The following IRF8 variants were observed in gnomAD, a reference collection of about 807,000 sequenced individuals.
IRF8 encodes interferon regulatory factor 8, also known as interferon consensus sequence binding protein 1.
A neutral mutation model predicts 48.7 loss-of-function variants in IRF8; 14 were observed. That is an observed-to-expected ratio of 0.29 (90% CI 0.19 to 0.45). IRF8 has a LOEUF of 0.45. Ranked by LOEUF, IRF8 falls within the 20% of genes least tolerant of loss-of-function variation. IRF8 has a pLI of 1.00. For missense variants in IRF8, 493 were observed against 580.7 expected (o/e 0.85, Z 1.55); for synonymous variants, 278 against 227.3 (o/e 1.22, Z -2.01).
intron 3 of IRF8, among the ~76,000 whole-genome samples, chr16:85,910,715 G>C (rs1203491285): frequency 6.6e-6 from 1 of 152,170 alleles, no homozygotes; most frequent in Admixed American, 6.5e-5. Context: ...GGGCCCACTC[G>C]CCTCTAACCT....
chr16:85,900,057 A>T, intron 1 of IRF8, among the ~76,000 whole-genome samples: 1 of 152,236 alleles, frequency 6.6e-6, no homozygotes, highest in East Asian at 1.9e-4. Flanking sequence ...GGGTTACGGC[A>T]GCTTCCTCTA....
Position 85,904,812 on chromosome 16 carries a change from C to CTTT in IRF8, c.174+1641_174+1643dup, listed in dbSNP as rs1177860791. ...ATTTCTCTCTTGTTTGATTGCAGATCTTTTTTTTTTTTTTTTTTTTGCCTT... is the reference window on the plus strand; with the variant it reads ...ATTTCTCTCTTGTTTGATTGCAGATCTTTTTTTTTTTTTTTTTTTTTTTGCCTT... On this transcript the variant is annotated intron_variant, in intron 2 of 8. Coordinates refer to ENST00000268638, the MANE Select transcript of IRF8 (RefSeq NM_002163.4). Among the ~76,000 whole-genome samples the CTTT allele has an allele frequency of 5.4e-3, 471 of 87,600 alleles. 38 individuals are homozygous for CTTT. Among genetic ancestry groups the CTTT allele is most frequent in the African/African-American group, 0.017 (343 of 20,272 alleles). 57.5% of individuals were successfully genotyped at this position (87,600 alleles called of 152,430 possible). A position where few individuals can be genotyped will look rare whatever the true frequency, so the allele number is the denominator to read the frequency against.
At chr16:85,907,073 G>C (rs1905027860) in intron 2 of IRF8, among the ~76,000 whole-genome samples, 3 of 152,222 alleles carry the variant, frequency 2.0e-5, no homozygotes, top group Non-Finnish European at 2.9e-5. Flanking sequence ...TCAATGAAGA[G>C]AGCATTAAAG....
intron 1 of IRF8, among the ~76,000 whole-genome samples, chr16:85,900,327 G>T (rs1904790726): frequency 6.6e-6 from 1 of 152,214 alleles, no homozygotes; most frequent in African/African-American, 2.4e-5. Flanking sequence ...TAGGGCTGCA[G>T]ATAGGGCTTG....
chr16:85,899,256 C>T (rs1904742105), intron 1 of IRF8, 33 bp downstream of exon 1: 1 of 152,132 alleles, frequency 6.6e-6, no homozygotes, highest in African/African-American at 2.4e-5. Flanking sequence ...GCGCCCGTGT[C>T]CCGCGCGGTC....
chr16:85,918,076 A>G (rs8058904), intron 6 of IRF8, among the ~76,000 whole-genome samples: 18,834 of 152,232 alleles, frequency 0.12, 1,534 homozygotes, highest in Non-Finnish European at 0.17. Flanking sequence ...GTCATAAGAA[A>G]TGAGTTGTCG....
chr16:85,900,129 T>A (rs1281205120), intron 1 of IRF8, among the ~76,000 whole-genome samples: 1 of 152,170 alleles, frequency 6.6e-6, no homozygotes, highest in Non-Finnish European at 1.5e-5. Flanking sequence ...GAGAAATGGC[T>A]TTGGTGCTTT....
intron 1 of IRF8, among the ~76,000 whole-genome samples, 189 bp downstream of exon 1, chr16:85,899,412 A>T (rs1179486824): frequency 6.6e-6 from 1 of 152,266 alleles, no homozygotes; most frequent in Non-Finnish European, 1.5e-5. Flanking sequence ...TGAATGCCCA[A>T]GTCGTTGATT....
intron 2 of IRF8, among the ~76,000 whole-genome samples, chr16:85,905,360 G>T (rs1012111408): frequency 2.0e-5 from 3 of 146,868 alleles, no homozygotes; most frequent in Admixed American, 6.6e-5. Flanking sequence ...ACTTGTGCTC[G>T]GGGGGTAATG....
At position 85,906,826 on chromosome 16, in the gene IRF8, T is replaced by G. The variant is rs193095257; in HGVS notation, c.175-2164T>G. 7.0e-3 allele frequency among the ~76,000 whole-genome samples: 1,067 copies of G among 152,264 alleles called. 11 individuals carry two copies. Among genetic ancestry groups the G allele is most frequent in the African/African-American group, 0.025 (1,026 of 41,538 alleles). On this transcript the variant is annotated intron_variant, in intron 2 of 8. Coordinates refer to ENST00000268638, the MANE Select transcript of IRF8 (RefSeq NM_002163.4). The stretch of plus-strand genomic sequence containing the variant: ...TGTCACAGCTAGGGGAGGGGTGCTA[T>G]TGGCATCTGGTGGGTCAAGGCTAGG...
chr16:85,919,692 C>T (rs889199839), intron 7 of IRF8, among the ~76,000 whole-genome samples: 14 of 152,212 alleles, frequency 9.2e-5, no homozygotes, highest in Admixed American at 7.8e-4. Flanking sequence ...CCAGGGAAGG[C>T]GACTGCTGCC....
Position 85,914,504 on chromosome 16 carries a change from C to T in IRF8, c.585C>T (p.Tyr195=), listed in dbSNP as rs189187823. 17 of 1,614,106 alleles carry T rather than the reference C, an allele frequency of 1.1e-5. No individual in the cohort carries two copies. The highest frequency in any genetic ancestry group is 5.3e-5 in the African/African-American group (4 of 75,054). The change falls in exon 6 of 9, where the codon TAC becomes TAT. Residue 195 remains tyrosine, a synonymous_variant. Transcript: ENST00000268638. ...GVPLVTGYTT[Y]DAHHSAFSQM... is the part of the protein sequence containing the mutation. ...CGCTGGTGACGGGGTACACCACCTA[C>T]GACGCGCACCATTCAGGTACGGGGT...
chr16:85,918,874 G>T, intron 7 of IRF8, 71 bp downstream of exon 7: 1 of 1,576,870 alleles, frequency 6.3e-7, no homozygotes, highest in Non-Finnish European at 8.6e-7. Flanking sequence ...GCCATTTGCA[G>T]CTCAGGGTGG....
At chr16:85,916,075 T>A (rs1264561041) in intron 6 of IRF8, among the ~76,000 whole-genome samples, 1 of 152,186 alleles carries the variant, frequency 6.6e-6, no homozygotes, top group Non-Finnish European at 1.5e-5. Context: ...AGTCTGTGGT[T>A]TATAACTTCA....
chr16:85,900,773 T>C (rs753898057), intron 1 of IRF8, among the ~76,000 whole-genome samples: 29 of 152,222 alleles, frequency 1.9e-4, no homozygotes, highest in Non-Finnish European at 3.4e-4. Context: ...TACTCTTCTC[T>C]TTTTCCTTTT....
chr16:85,903,214 A>C, intron 2 of IRF8, 25 bp downstream of exon 2: 1 of 1,599,472 alleles, frequency 6.3e-7, no homozygotes, highest in Non-Finnish European at 8.6e-7. Context: ...TCCCTTCCCC[A>C]CTGTGGGCAC....
intron 2 of IRF8, among the ~76,000 whole-genome samples, chr16:85,906,699 G>A (rs896198920): frequency 1.3e-5 from 2 of 152,240 alleles, no homozygotes; most frequent in Non-Finnish European, 2.9e-5. Context: ...GCATTTCAAG[G>A]CCCGTTTGGG....
chr16:85,910,481 G>T (rs149615360), intron 3 of IRF8, among the ~76,000 whole-genome samples: 30 of 152,212 alleles, frequency 2.0e-4, no homozygotes, highest in African/African-American at 7.2e-4. Flanking sequence ...CCCAGTTTTG[G>T]ACAATTTTTT....
At chr16:85,904,422 A>C (rs1236404594) in intron 2 of IRF8, among the ~76,000 whole-genome samples, 1 of 152,214 alleles carries the variant, frequency 6.6e-6, no homozygotes, top group East Asian at 1.9e-4. Flanking sequence ...ACCAGAGAAC[A>C]AAAATGACAA....
Sources: gnomAD v4.1 joint callset for allele counts (sites outside exome capture counted in the v4.1 genomes callset) on GRCh38, gnomAD v4.1.1 for gene constraint, MANE v1.5 for transcripts, NCBI Gene and HGNC (gene_info 2026-07-23, HGNC 2026-07-21) for gene names.